Variants in LCK observed in about 807,000 individuals in gnomAD.
LCK encodes the protein LCK proto-oncogene, Src family tyrosine kinase, also known as tyrosine-protein kinase Lck.
Under a neutral mutation model 64.6 loss-of-function variants are expected in LCK, and 14 were observed. The ratio of observed to expected loss-of-function variants is 0.22; its 90% confidence interval spans 0.14 to 0.34. The LOEUF is 0.34. LCK is among the 10% of genes least tolerant of loss of function. LCK has a pLI of 1.00. For missense variants in LCK, 434 were observed against 668.1 expected (o/e 0.65, Z 3.86); for synonymous variants, 277 against 263.6 (o/e 1.05, Z -0.49).
intron 1 of LCK, among the ~76,000 whole-genome samples, chr1:32,258,324 C>T (rs1423164153): frequency 6.6e-6 from 1 of 150,654 alleles, no homozygotes; most frequent in Non-Finnish European, 1.5e-5. Flanking sequence ...GAATTAAAGC[C>T]AGGTGCAGTG....
At position 32,275,729 on chromosome 1, in the gene LCK, G is replaced by C; in HGVS notation, c.481+57G>C. ...GGGTGCCCCGGGGTGTGCCCGAGGG[G>C]GGGCGCAGGGTGAGCCCGAGGTGGA... On this transcript the variant is annotated intron_variant, in intron 6 of 12. Coordinates refer to ENST00000336890, the MANE Select transcript of LCK (RefSeq NM_005356.5). This position sits in a 1 kb window ranked among gnomAD's most constrained non-coding sequence, Gnocchi z 6.9. 1.4e-6 allele frequency: 2 copies of C among 1,480,772 alleles called. No individual in the cohort carries two copies. Among genetic ancestry groups the C allele is most frequent in the Non-Finnish European group, 1.8e-6 (2 of 1,094,174 alleles). 91.7% of individuals were successfully genotyped at this position (1,480,772 alleles called of 1,614,324 possible).
chr1:32,264,099 A>G (rs1569919935), intron 1 of LCK, among the ~76,000 whole-genome samples: 1 of 152,160 alleles, frequency 6.6e-6, no homozygotes, highest in East Asian at 1.9e-4. Context: ...CCATAAGCAC[A>G]GGGCTCACTG....
chr1:32,264,300 C>T (rs1342100531), intron 1 of LCK, among the ~76,000 whole-genome samples: 1 of 152,062 alleles, frequency 6.6e-6, no homozygotes, highest in African/African-American at 2.4e-5. Flanking sequence ...TCTCCTAGAC[C>T]TCTCAGCCCT....
intron 1 of LCK, among the ~76,000 whole-genome samples, chr1:32,257,679 C>T (rs1032125928): frequency 6.6e-6 from 1 of 152,028 alleles, no homozygotes; most frequent in African/African-American, 2.4e-5. Context: ...GTGTGGATTG[C>T]CAAGCTGTAA....
At position 32,251,992 on chromosome 1, in the gene LCK, C is replaced by T. The variant is rs564266032; in HGVS notation, c.-6+621C>T. Among the ~76,000 whole-genome samples, 16 of 151,778 alleles carry T rather than the reference C, an allele frequency of 1.1e-4. No individual in the cohort carries two copies. In the East Asian group the frequency reaches 2.1e-3, roughly 20 times the overall value. ...ATGCGAGGAGTGATTTTAGCCTCAG[C>T]GATCGAGGGAAGAATCTCCTGATGG... is the stretch of plus-strand genomic sequence containing the variant. On this transcript the variant is annotated intron_variant, in intron 1 of 12. Transcript: ENST00000336890. This position sits in a 1 kb window ranked among gnomAD's most constrained non-coding sequence, Gnocchi z 4.0.
At chr1:32,255,059 G>GC (rs1048396598) in intron 1 of LCK, among the ~76,000 whole-genome samples, 28 of 152,200 alleles carry the variant, frequency 1.8e-4, no homozygotes, top group African/African-American at 6.7e-4. Flanking sequence ...AAGAAATGCA[G>GC]CCTCCTCCAA....
chr1:32,254,344 C>T (rs1467398314), intron 1 of LCK, among the ~76,000 whole-genome samples: 1 of 152,088 alleles, frequency 6.6e-6, no homozygotes, highest in Non-Finnish European at 1.5e-5. Flanking sequence ...CATGGTGAAT[C>T]CCCATCTCCA....
At chr1:32,282,952 G>C (rs1640505282) in intron 12 of LCK, among the ~76,000 whole-genome samples, 1 of 151,992 alleles carries the variant, frequency 6.6e-6, no homozygotes, top group Non-Finnish European at 1.5e-5. Context: ...CTGGCCATGG[G>C]TGTTTAGTTC....
rs1291319493 is a variant in LCK, at chr1:32,272,621, GAA to G, written c.-5-1702_-5-1701del. On this transcript the variant is annotated intron_variant, in intron 1 of 12. Coordinates refer to ENST00000336890, the MANE Select transcript of LCK (RefSeq NM_005356.5). The stretch of plus-strand genomic sequence containing the variant: ...AGAGAGAGAAAGAGAGAGAGAGAGA[GAA>G]AGAGAGAGAGAGAGAGAGAGAGAGA... 2.5e-3 allele frequency among the ~76,000 whole-genome samples: 361 copies of G among 141,580 alleles called. 1 individual carries two copies. The highest frequency in any genetic ancestry group is 0.011 in the African/African-American group (358 of 33,664). 92.9% of individuals were successfully genotyped at this position (141,580 alleles called of 152,430 possible).
intron 12 of LCK, among the ~76,000 whole-genome samples, chr1:32,283,238 G>A (rs1400769201): frequency 1.4e-5 from 2 of 146,488 alleles, no homozygotes; most frequent in East Asian, 2.0e-4. Flanking sequence ...GCAGTGAGCC[G>A]AGACTGTACC....
Position 32,256,372 on chromosome 1 carries a change from G to A in LCK, c.-6+5001G>A, listed in dbSNP as rs146563213. On this transcript the variant is annotated intron_variant, in intron 1 of 12. Coordinates refer to ENST00000336890, the MANE Select transcript of LCK (RefSeq NM_005356.5). Reference sequence around the variant, plus strand: ...AACACTTTGGGAGGGTGAGGTGGGTGCATCATCTGAGGTCAGGAGTTTGAA... The same window carrying A: ...AACACTTTGGGAGGGTGAGGTGGGTACATCATCTGAGGTCAGGAGTTTGAA... Among the ~76,000 whole-genome samples the A allele has an allele frequency of 3.6e-3, 554 of 152,168 alleles. 2 individuals are homozygous for A. Among genetic ancestry groups the A allele is most frequent in the African/African-American group, 0.013 (527 of 41,526 alleles).
At chr1:32,278,363 G>C (rs1485414064) in intron 9 of LCK, among the ~76,000 whole-genome samples, 1 of 146,204 alleles carries the variant, frequency 6.8e-6, no homozygotes, top group African/African-American at 2.5e-5. Context: ...TTTTTTTTTT[G>C]AGTCTCACTC....
chr1:32,264,909 T>G (rs1269312671), intron 1 of LCK, among the ~76,000 whole-genome samples: 2 of 152,134 alleles, frequency 1.3e-5, no homozygotes, highest in African/African-American at 4.8e-5. Context: ...CAAGTTTACA[T>G]TTTAATCAAA....
At chr1:32,285,369 C>T (rs1469291182) in intron 12 of LCK, 145 bp from the exon 13 acceptor site, 2 of 733,976 alleles carry the variant, frequency 2.7e-6, no homozygotes, top group Non-Finnish European at 2.4e-6. Context: ...TCAACAAGTA[C>T]CTCTAGTGTG....
chr1:32,259,356 C>T (rs1467582733), intron 1 of LCK, among the ~76,000 whole-genome samples: 1 of 150,506 alleles, frequency 6.6e-6, no homozygotes, highest in East Asian at 1.9e-4. Context: ...TGGCTCATGC[C>T]ACACCTGTAA....
intron 1 of LCK, among the ~76,000 whole-genome samples, chr1:32,253,405 C>A (rs1320475666): frequency 6.6e-6 from 1 of 152,090 alleles, no homozygotes; most frequent in East Asian, 1.9e-4. Context: ...CCTGCCTCAG[C>A]CTCCCAAGTG....
In LCK at chr1:32,254,523, T is replaced by G. The variant is rs531909301; in HGVS notation, c.-6+3152T>G. ...GTTTTTTTGGTTTGTTTGTTTTTTG[T>G]TTTTTTGAGACAGAGTTTTACTCTT... is the stretch of plus-strand genomic sequence containing the variant. On this transcript the variant is annotated intron_variant, in intron 1 of 12. Coordinates refer to ENST00000336890, the MANE Select transcript of LCK (RefSeq NM_005356.5). Among the ~76,000 whole-genome samples, 40 of 152,210 alleles carry G rather than the reference T, an allele frequency of 2.6e-4. No individual in the cohort carries two copies. In the South Asian group the frequency reaches 7.7e-3, roughly 29 times the overall value.
intron 12 of LCK, among the ~76,000 whole-genome samples, chr1:32,284,341 TA>T (rs1006796696): frequency 4.7e-4 from 70 of 148,110 alleles, no homozygotes; most frequent in African/African-American, 1.5e-3. Context: ...GATATATATA[TA>T]ATAATATATA....
Position 32,275,140 on chromosome 1 carries a change from G to A in LCK, c.278+57G>A, listed in dbSNP as rs1003681059. 7 of 1,530,086 alleles carry A rather than the reference G, an allele frequency of 4.6e-6. No individual in the cohort carries two copies. The highest frequency in any genetic ancestry group is 6.3e-6 in the Non-Finnish European group (7 of 1,114,354). 94.8% of individuals were successfully genotyped at this position (1,530,086 alleles called of 1,614,324 possible). A position where few individuals can be genotyped will look rare whatever the true frequency, so the allele number is the denominator to read the frequency against. On this transcript the variant is annotated intron_variant, in intron 4 of 12. Transcript: ENST00000336890. This position sits in a 1 kb window ranked among gnomAD's most constrained non-coding sequence, Gnocchi z 6.9. ...TCCGTGAGGGAGCGGCGATCTCCGC[G>A]ACCCGCAGCCCTCCTGCGGCCCTTG...
Sources: allele counts gnomAD v4.1 joint callset (sites outside exome capture counted in the v4.1 genomes callset), GRCh38; gene constraint gnomAD v4.1.1; non-coding constraint Gnocchi (gnomAD v3.1); transcripts MANE v1.5; gene names NCBI Gene and HGNC (gene_info 2026-07-23, HGNC 2026-07-21).